Variants in ZNF483 observed in about 807,000 individuals in gnomAD.
ZNF483 encodes the protein zinc finger protein 483, also known as zinc finger protein HIT-10.
ZNF483 carries 9 observed loss-of-function variants against 28.6 expected under a neutral mutation model. The observed-to-expected ratio is 0.32, with a 90% CI of 0.19 to 0.55. The LOEUF is 0.55. ZNF483 is among the 20% of genes least tolerant of loss of function. The pLI is 0.93. For synonymous variants in ZNF483, 322 were observed against 306.2 expected (o/e 1.05, Z -0.54); for missense variants, 675 against 871.7 (o/e 0.77, Z 2.84).
chr9:111,557,725 C>T (rs1008758266), downstream of ZNF483, among the ~76,000 whole-genome samples: 4 of 152,118 alleles, frequency 2.6e-5, no homozygotes, highest in South Asian at 2.1e-4. Flanking sequence ...ACATTGTGCC[C>T]GGCCCATTTG....
rs893537841 is a variant in ZNF483 at position 111,544,083 on chromosome 9, G to A, written c.*913G>A. On this transcript the variant is annotated 3_prime_UTR_variant, in exon 6 of 6. Coordinates refer to ENST00000309235, the MANE Select transcript of ZNF483 (RefSeq NM_133464.5). ...GACAAGGGAACTCTTTTTCTTTTGG[G>A]CATTGGCCAACAGGACTGAGAAGCC... 1.0e-6 allele frequency: 1 copy of A among 985,298 alleles called. No homozygotes were observed. Among genetic ancestry groups the A allele is most frequent in the Middle Eastern group, 5.2e-4 (1 of 1,914 alleles). The allele number at this position is 985,298 out of a possible 1,614,324, so 61.0% of individuals were successfully genotyped here.
At chr9:111,570,059 C>T (rs1828740214) in intron 5 of ZNF483, 2 of 1,613,022 alleles carry the variant, frequency 1.2e-6, no homozygotes, top group African/African-American at 2.7e-5. Context: ...ACCTAGTGTA[C>T]AATTGGAAGG....
At chr9:111,574,604 TAAAAAA>T in intron 5 of ZNF483, 1 of 489,918 alleles carries the variant, frequency 2.0e-6, no homozygotes, top group Non-Finnish European at 3.4e-6. Context: ...GACTCTGTCT[TAAAAAA>T]AAAAAAAAAA....
intron 5 of ZNF483, among the ~76,000 whole-genome samples, chr9:111,571,176 C>G (rs1020338400): frequency 6.7e-6 from 1 of 149,694 alleles, no homozygotes; most frequent in African/African-American, 2.4e-5. Context: ...TTTTGGGAGG[C>G]CGAGGCAGGC....
downstream of ZNF483, among the ~76,000 whole-genome samples, chr9:111,558,020 G>A (rs371118521): frequency 1.9e-3 from 283 of 152,134 alleles, 3 homozygotes; most frequent in African/African-American, 6.1e-3. Context: ...GGTGGTGCGC[G>A]CCTGTAGTCC....
At chr9:111,574,847 ACAGAT>A in intron 5 of ZNF483, 1 of 1,594,618 alleles carries the variant, frequency 6.3e-7, no homozygotes, top group South Asian at 1.1e-5. Flanking sequence ...ACCTACCTAA[ACAGAT>A]AGCAAAGACA....
rs1383846353 is a variant in ZNF483 at position 111,551,378 on chromosome 9, C to T, written c.*8208C>T. ...CTAAATATACTTAATTTTCCAATAA[C>T]TGAATCAAGTATCCAGTTTTTGTTT... On this transcript the variant is annotated 3_prime_UTR_variant, in exon 6 of 6. Transcript: ENST00000309235. Among the ~76,000 whole-genome samples the T allele has an allele frequency of 1.4e-5, 2 of 143,936 alleles. No homozygotes were observed. Among genetic ancestry groups the T allele is most frequent in the East Asian group, 4.1e-4 (2 of 4,896 alleles). The allele number at this position is 143,936 out of a possible 152,430, so 94.4% of individuals were successfully genotyped here. A position where few individuals can be genotyped will look rare whatever the true frequency, so the allele number is the denominator to read the frequency against.
exon 6 of ZNF483, chr9:111,577,048 G>A (rs1162702431): frequency 1.3e-5 from 2 of 151,508 alleles, no homozygotes; most frequent in East Asian, 1.9e-4. Context: ...CCAAGATCGC[G>A]CCACTGCACT....
In ZNF483 at chr9:111,541,979, C is replaced by T. The variant is rs1827683940; in HGVS notation, c.1044C>T (p.Asn348=). The change falls in exon 6 of 6, where the codon AAC becomes AAT. Residue 348 remains asparagine, a synonymous_variant. Transcript: ENST00000309235. ...GTTTTCATTCAGACCTTGTTCTGAA[C>T]CGCAAGGAGAAAACCGCCGGAGAAA... The part of the protein sequence containing the change: ...PFSFHSDLVL[N]RKEKTAGEKS... The T allele has an allele frequency of 1.2e-6, 2 of 1,613,826 alleles. No individual in the cohort carries two copies. The highest frequency in any genetic ancestry group is 2.7e-5 in the African/African-American group (2 of 74,864).
Position 111,549,279 on chromosome 9 carries a change from C to T in ZNF483, c.*6109C>T, listed in dbSNP as rs957592049. ...GAAATATCTTACAATTCTGAAAACA[C>T]ACTGTCAAAATGCTTTTCATAAAAT... is the stretch of plus-strand genomic sequence containing the variant. On this transcript the variant is annotated 3_prime_UTR_variant, in exon 6 of 6. Transcript: ENST00000309235. Among the ~76,000 whole-genome samples, 1 of 152,134 alleles carries T rather than the reference C, an allele frequency of 6.6e-6. No homozygotes were observed. The highest frequency in any genetic ancestry group is 2.4e-5 in the African/African-American group (1 of 41,416).
intron 1 of ZNF483, among the ~76,000 whole-genome samples, chr9:111,527,050 C>T (rs561511321): frequency 2.6e-5 from 4 of 151,830 alleles, no homozygotes; most frequent in Admixed American, 6.6e-5. Flanking sequence ...TGCAGTGAGC[C>T]GAGATCGCAC....
intron 2 of ZNF483, among the ~76,000 whole-genome samples, chr9:111,528,903 C>T (rs1589265879): frequency 6.6e-6 from 1 of 151,950 alleles, no homozygotes; most frequent in East Asian, 1.9e-4. Flanking sequence ...CCCAGCACTT[C>T]GGGAGGCCTA....
chr9:111,570,328 T>C (rs1828755728), intron 5 of ZNF483: 2 of 1,431,060 alleles, frequency 1.4e-6, no homozygotes, highest in South Asian at 3.0e-5. Flanking sequence ...CTTCTCCCCT[T>C]CCATTTCCTC....
rs1054702685 is a variant in ZNF483, at chr9:111,544,717, T to C, written c.*1547T>C. The stretch of plus-strand genomic sequence containing the variant: ...AAAAATTTTCAGTTAAGTTTTCTTT[T>C]GTGAAATTAGACCTCAGAGGAATGG... On this transcript the variant is annotated 3_prime_UTR_variant, in exon 6 of 6. Coordinates refer to ENST00000309235, the MANE Select transcript of ZNF483 (RefSeq NM_133464.5). Among the ~76,000 whole-genome samples the C allele has an allele frequency of 1.3e-5, 2 of 152,208 alleles. No homozygotes were observed. The highest frequency in any genetic ancestry group is 2.9e-5 in the Non-Finnish European group (2 of 68,030).
chr9:111,576,807 T>C (rs947174098), exon 6 of ZNF483: 1 of 156,970 alleles, frequency 6.4e-6, no homozygotes, highest in African/African-American at 2.4e-5. Context: ...TAAAGAACTC[T>C]TGGCCAGGTG....
chr9:111,527,300 C>A lies in ZNF483; in HGVS notation c.-96C>A. 1 of 1,332,190 alleles carries A rather than the reference C, an allele frequency of 7.5e-7. No homozygotes were observed. 82.5% of individuals were successfully genotyped at this position (1,332,190 alleles called of 1,614,324 possible). A position where few individuals can be genotyped will look rare whatever the true frequency, so the allele number is the denominator to read the frequency against. On this transcript the variant is annotated 5_prime_UTR_variant, in exon 2 of 6. Coordinates refer to ENST00000309235, the MANE Select transcript of ZNF483 (RefSeq NM_133464.5). ...AGGACTGTAAACTGGATTCCTGGAA[C>A]CTTTGATATTCCTGGCTGTGTATAG...
downstream of ZNF483, among the ~76,000 whole-genome samples, chr9:111,560,413 G>A (rs1276603038): frequency 2.0e-5 from 3 of 148,128 alleles, no homozygotes; most frequent in Non-Finnish European, 3.0e-5. Flanking sequence ...GGCGGAGGTT[G>A]CACTGAGCCG....
In ZNF483 at chr9:111,530,806, TATATATATAA is replaced by T. The variant is rs1344383272; in HGVS notation, c.413-68_413-59del. 6.0e-3 allele frequency: 841 copies of T among 139,904 alleles called. 22 individuals are homozygous for T. Among genetic ancestry groups the T allele is most frequent in the East Asian group, 0.011 (64 of 5,762 alleles). The allele number at this position is 139,904 out of a possible 1,614,324, so 8.7% of individuals were successfully genotyped here. On this transcript the variant is annotated intron_variant, in intron 2 of 5. Coordinates refer to ENST00000309235, the MANE Select transcript of ZNF483 (RefSeq NM_133464.5). ...ATATATATATATATATATATACATA[TATATATATAA>T]GATTTTTAGTCTGAGGAATCTGTAT...
Position 111,542,546 on chromosome 9 carries a change from T to C in ZNF483, c.1611T>C (p.Ser537=). 1 of 1,614,106 alleles carries C rather than the reference T, an allele frequency of 6.2e-7. No homozygotes were observed. The highest frequency in any genetic ancestry group is 2.2e-5 in the East Asian group (1 of 44,878). Residue 537 remains serine, a synonymous_variant, in exon 6 of 6, where the codon TCT becomes TCC. Transcript: ENST00000309235. This position sits in a 1 kb window ranked among gnomAD's most constrained non-coding sequence, Gnocchi z 6.2. ...DCGRPFSDSS[S]LIQHQRIHTG... ...GGAGACCCTTTAGTGACAGTTCATC[T>C]CTTATTCAACATCAGCGAATTCATA...
Sources: allele counts gnomAD v4.1 joint callset (sites outside exome capture counted in the v4.1 genomes callset), GRCh38; gene constraint gnomAD v4.1.1; non-coding constraint Gnocchi (gnomAD v3.1); transcripts MANE v1.5; gene names NCBI Gene and HGNC (gene_info 2026-07-23, HGNC 2026-07-21).